Variants in CDA observed in about 807,000 individuals in gnomAD.
The protein encoded by CDA is cytidine deaminase.
CDA carries 7 observed loss-of-function variants against 15.0 expected under a neutral mutation model. The ratio of observed to expected loss-of-function variants is 0.47; its 90% CI spans 0.26 to 0.87. The LOEUF (loss-of-function observed/expected upper bound fraction) is 0.87, where lower values mean the gene tolerates loss of function less well. CDA is among the 40% of genes least tolerant of loss of function. CDA has a pLI of 0.15. For missense variants in CDA, 159 were observed against 182.7 expected, an observed-to-expected ratio of 0.87 and a Z score of 0.75; for synonymous variants, 58 against 73.0, an observed-to-expected ratio of 0.79 and a Z score of 1.05.
At chr1:20,616,962 T>TTG (rs1268634541) in intron 3 of CDA, among the ~76,000 whole-genome samples, 10 of 152,208 alleles carry the variant, frequency 6.6e-5, no homozygotes, top group Non-Finnish European at 1.0e-4. Context: ...ACATAATCAA[T>TTG]AAGAATGGCA....
intron 1 of CDA, among the ~76,000 whole-genome samples, chr1:20,603,776 A>G (rs1200386152): frequency 6.6e-6 from 1 of 152,222 alleles, no homozygotes; most frequent in African/African-American, 2.4e-5. Context: ...TGGTCAGGGG[A>G]AAACCCAGCT....
At chr1:20,610,286 T>A (rs1276701660) in intron 2 of CDA, among the ~76,000 whole-genome samples, 1 of 147,236 alleles carries the variant, frequency 6.8e-6, no homozygotes, top group Non-Finnish European at 1.5e-5. Context: ...TTTATTTTAT[T>A]TTTATTTTTA....
chr1:20,607,831 C>T (rs1178339314), intron 2 of CDA, among the ~76,000 whole-genome samples: 1 of 152,168 alleles, frequency 6.6e-6, no homozygotes, highest in East Asian at 1.9e-4. Context: ...TACCAGCTCC[C>T]TTGTTAACAT....
At chr1:20,596,090 A>G (rs898807423) in intron 1 of CDA, among the ~76,000 whole-genome samples, 2 of 152,122 alleles carry the variant, frequency 1.3e-5, no homozygotes, top group Non-Finnish European at 2.9e-5. Flanking sequence ...CGGAGGTTGC[A>G]GTGAGCTGAG....
At chr1:20,608,234 C>T (rs1208381987) in intron 2 of CDA, among the ~76,000 whole-genome samples, 2 of 152,134 alleles carry the variant, frequency 1.3e-5, no homozygotes, top group Admixed American at 6.5e-5. Flanking sequence ...AAACCAGTTT[C>T]CAAATCCAGC....
chr1:20,594,861 A>G (rs1218777681), intron 1 of CDA, among the ~76,000 whole-genome samples: 2 of 152,088 alleles, frequency 1.3e-5, no homozygotes, highest in African/African-American at 2.4e-5. Flanking sequence ...AAACGGAGTC[A>G]GCTCCGGGCC....
intron 3 of CDA, among the ~76,000 whole-genome samples, chr1:20,616,042 C>G (rs533805900): frequency 6.6e-6 from 1 of 152,024 alleles, no homozygotes; most frequent in Non-Finnish European, 1.5e-5. Context: ...AATCCCCTCC[C>G]CAAGACTGAG....
intron 2 of CDA, 45 bp from the exon 3 acceptor site, chr1:20,613,797 G>A: frequency 1.3e-6 from 2 of 1,578,248 alleles, no homozygotes; most frequent in African/African-American, 1.3e-5. Flanking sequence ...ATTGTCCTCA[G>A]TCCTTGGGAG....
chr1:20,590,140 G>A (rs963226196), intron 1 of CDA, among the ~76,000 whole-genome samples: 6 of 152,170 alleles, frequency 3.9e-5, no homozygotes, highest in Non-Finnish European at 8.8e-5. Flanking sequence ...AGGTTCTGTC[G>A]GGTGTGACTT....
At chr1:20,594,560 G>A (rs1472515391) in intron 1 of CDA, among the ~76,000 whole-genome samples, 1 of 152,058 alleles carries the variant, frequency 6.6e-6, no homozygotes, top group African/African-American at 2.4e-5. Flanking sequence ...GGCCGAGCTG[G>A]GCGGATCACC....
At chr1:20,606,925 G>A (rs2052699632) in intron 2 of CDA, among the ~76,000 whole-genome samples, 1 of 152,158 alleles carries the variant, frequency 6.6e-6, no homozygotes, top group Non-Finnish European at 1.5e-5. Flanking sequence ...TTTGCATTGT[G>A]TATGACAGTT....
In CDA at chr1:20,606,196, C is replaced by T. The variant is rs370436085; in HGVS notation, c.266+1157C>T. On this transcript the variant is annotated intron_variant, in intron 2 of 3. Coordinates refer to ENST00000375071, the MANE Select transcript of CDA (RefSeq NM_001785.3). ...TTAAGGCTTCCGGAGGAATAAATGACGGTTGGCGGGCGCCTGTAGTCCCAG... is the reference window on the plus strand; with the variant it reads ...TTAAGGCTTCCGGAGGAATAAATGATGGTTGGCGGGCGCCTGTAGTCCCAG... 1.1e-4 allele frequency among the ~76,000 whole-genome samples: 7 copies of T among 66,414 alleles called. 2 individuals carry two copies. Among genetic ancestry groups the T allele is most frequent in the South Asian group, 1.3e-3 (2 of 1,508 alleles). 43.6% of individuals were successfully genotyped at this position (66,414 alleles called of 152,430 possible).
intron 1 of CDA, among the ~76,000 whole-genome samples, chr1:20,597,540 C>G (rs1315251979): frequency 1.3e-5 from 2 of 152,228 alleles, no homozygotes. Context: ...AAATGGTGTT[C>G]TAACAGTATT....
chr1:20,609,349 G>A (rs942610313), intron 2 of CDA, among the ~76,000 whole-genome samples: 1 of 152,188 alleles, frequency 6.6e-6, no homozygotes, highest in Non-Finnish European at 1.5e-5. Context: ...AACCAGGCGT[G>A]GTGGCGGGCA....
At chr1:20,616,961 A>G (rs1227689137) in intron 3 of CDA, among the ~76,000 whole-genome samples, 1 of 152,256 alleles carries the variant, frequency 6.6e-6, no homozygotes, top group East Asian at 1.9e-4. Flanking sequence ...AACATAATCA[A>G]TAAGAATGGC....
At chr1:20,605,099 T>C in intron 2 of CDA, 60 bp downstream of exon 2, 1 of 984,082 alleles carries the variant, frequency 1.0e-6, no homozygotes, top group Middle Eastern at 2.1e-4. Context: ...ACATCTTCCT[T>C]ACACATATTA....
At chr1:20,612,338 A>C (rs1013191847) in intron 2 of CDA, among the ~76,000 whole-genome samples, 10 of 152,136 alleles carry the variant, frequency 6.6e-5, no homozygotes, top group African/African-American at 2.4e-4. Context: ...TGTGACCTGC[A>C]CATATACATC....
intron 1 of CDA, among the ~76,000 whole-genome samples, chr1:20,603,241 G>C (rs1443927227): frequency 6.6e-6 from 1 of 152,242 alleles, no homozygotes; most frequent in African/African-American, 2.4e-5. Context: ...TTAGACATAG[G>C]TTATGCTACT....
At chr1:20,599,627 T>TAAAATAAAATAAAATAAAATAAAAG (rs1557547090) in intron 1 of CDA, among the ~76,000 whole-genome samples, 1 of 145,846 alleles carries the variant, frequency 6.9e-6, no homozygotes, top group Non-Finnish European at 1.5e-5. Context: ...CAAAATAAAA[T>TAAAATAAAATAAAATAAAATAAAAG]AAAATAAAAT....
Sources: allele counts gnomAD v4.1 joint callset (sites outside exome capture counted in the v4.1 genomes callset), GRCh38; gene constraint gnomAD v4.1.1; transcripts MANE v1.5; gene names NCBI Gene and HGNC (gene_info 2026-07-23, HGNC 2026-07-21).